EYS: variants seen among roughly 807,000 people sequenced by gnomAD.
EYS encodes EGF-like photoreceptor maintenance factor, also known as protein eyes shut homolog.
EYS carries 250 observed loss-of-function variants against 282.1 expected under a neutral mutation model. The ratio of observed to expected loss-of-function variants is 0.89; its 90% confidence interval spans 0.80 to 0.98. The LOEUF is 0.98. EYS is among the 50% of genes least tolerant of loss of function. The probability of loss-of-function intolerance (pLI) is 0.00; values close to 1 mark genes in which losing one functional copy is unlikely to be tolerated. For synonymous variants in EYS, 1,355 were observed against 1,282.9 expected (o/e 1.06, Z -1.20); for missense variants, 4,016 against 3,709.0 (o/e 1.08, Z -2.15).
intron 31 of EYS, among the ~76,000 whole-genome samples, chr6:64,221,228 C>T (rs1766091639): frequency 6.6e-6 from 1 of 152,102 alleles, no homozygotes; most frequent in African/African-American, 2.4e-5. Flanking sequence ...ACCCCCAAAA[C>T]ATGTGTTGGA....
intron 12 of EYS, among the ~76,000 whole-genome samples, chr6:65,286,066 T>C (rs116461931): frequency 0.036 from 5,540 of 151,908 alleles, 146 homozygotes; most frequent in Non-Finnish European, 0.054. Flanking sequence ...CCTTAAAAAA[T>C]CTAAACACAG....
In EYS at chr6:64,116,281, A is replaced by G. The variant is rs192831055; in HGVS notation, c.6425-34279T>C. 2.7e-3 allele frequency among the ~76,000 whole-genome samples: 407 copies of G among 152,280 alleles called. 1 individual carries two copies. Among genetic ancestry groups the G allele is most frequent in the African/African-American group, 9.1e-3 (378 of 41,564 alleles). On this transcript the variant is annotated intron_variant, in intron 31 of 42. Coordinates refer to ENST00000503581, the MANE Select transcript of EYS (RefSeq NM_001142800.2). ...AGAAAAGGAAAGAACTTTTTAACAT[A>G]TAAGAAAACCCCTATATGGCTATCA...
At chr6:64,094,506 T>G (rs962589361) in intron 31 of EYS, among the ~76,000 whole-genome samples, 4 of 152,318 alleles carry the variant, frequency 2.6e-5, no homozygotes, top group East Asian at 1.9e-4. Context: ...GTCGAGGAAT[T>G]TATCCATTTC....
intron 11 of EYS, chr6:65,331,478 T>TA: frequency 2.3e-6 from 2 of 887,382 alleles, no homozygotes; most frequent in Non-Finnish European, 2.7e-6. Context: ...AACTTAATTT[T>TA]ATATAAAATA....
Position 63,919,453 on chromosome 6 carries a change from T to A in EYS, c.7056-55095A>T, listed in dbSNP as rs189578817. Among the ~76,000 whole-genome samples the A allele has an allele frequency of 4.0e-5, 6 of 150,744 alleles. No individual in the cohort carries two copies. The East Asian group carries it at 7.8e-4, about 20-fold the overall frequency. ...TCCTTCTTCAAACTGGATAAAGGTA[T>A]AATTTCCAGTCCCCTTTGTATCTAA... On this transcript the variant is annotated intron_variant, in intron 35 of 42. Coordinates refer to ENST00000503581, the MANE Select transcript of EYS (RefSeq NM_001142800.2).
chr6:65,035,521 G>A (rs536460631), intron 13 of EYS, among the ~76,000 whole-genome samples: 1 of 152,108 alleles, frequency 6.6e-6, no homozygotes, highest in Admixed American at 6.6e-5. Context: ...AAAATCACTA[G>A]TATTTTTATA....
chr6:63,972,812 A>G (rs960074028), intron 35 of EYS, among the ~76,000 whole-genome samples: 2 of 151,884 alleles, frequency 1.3e-5, no homozygotes, highest in African/African-American at 4.8e-5. Context: ...GTTCTGTGTT[A>G]GTTTAGAGAA....
chr6:65,021,509 T>G (rs1053820553), intron 13 of EYS, among the ~76,000 whole-genome samples: 3 of 152,212 alleles, frequency 2.0e-5, no homozygotes, highest in African/African-American at 7.2e-5. Flanking sequence ...TTCCAAACTT[T>G]CCCACATCTT....
chr6:64,152,147 A>T (rs951067208), intron 31 of EYS, among the ~76,000 whole-genome samples: 2 of 152,206 alleles, frequency 1.3e-5, no homozygotes, highest in Non-Finnish European at 2.9e-5. Context: ...ATAAAAAAAT[A>T]AAAAGTCTGC....
At chr6:65,538,457 G>C (rs9354263) in intron 2 of EYS, among the ~76,000 whole-genome samples, 31,852 of 152,020 alleles carry the variant, frequency 0.21, 3,723 homozygotes, top group East Asian at 0.31. Flanking sequence ...ACCAGATCCT[G>C]TTGTTAAGTG....
chr6:64,880,820 G>T (rs1766892178), intron 19 of EYS, among the ~76,000 whole-genome samples: 1 of 148,574 alleles, frequency 6.7e-6, no homozygotes, highest in African/African-American at 2.5e-5. Context: ...ATGTATAAGA[G>T]ATTTTATATA....
At chr6:65,401,868 G>A (rs929069247) in intron 7 of EYS, among the ~76,000 whole-genome samples, 1 of 151,836 alleles carries the variant, frequency 6.6e-6, no homozygotes, top group African/African-American at 2.4e-5. Context: ...ATAAAAGTCA[G>A]GCAAGTGTGA....
intron 26 of EYS, among the ~76,000 whole-genome samples, chr6:64,547,307 C>T (rs1230413223): frequency 6.6e-6 from 1 of 152,048 alleles, no homozygotes; most frequent in East Asian, 1.9e-4. Flanking sequence ...CTGATTGGTC[C>T]ATTTTACAGA....
intron 33 of EYS, among the ~76,000 whole-genome samples, chr6:64,017,830 CGGGCAATTTACTTAAACCTCT>C (rs1165918586): frequency 6.6e-6 from 1 of 152,124 alleles, no homozygotes; most frequent in Admixed American, 6.6e-5. Context: ...TGTCTATGTT[CGGGCAATTTACTTAAACCTCT>C]GGGCAATTTA....
chr6:64,373,472 CAG>C (rs1395523563), intron 29 of EYS, among the ~76,000 whole-genome samples: 4 of 152,186 alleles, frequency 2.6e-5, no homozygotes, highest in Non-Finnish European at 5.9e-5. Context: ...TCATGTGAAA[CAG>C]AGGATTGTGC....
chr6:64,344,247 A>G (rs1771270958), intron 29 of EYS, among the ~76,000 whole-genome samples: 1 of 152,116 alleles, frequency 6.6e-6, no homozygotes, highest in Admixed American at 6.6e-5. Context: ...TGGCAGAGAC[A>G]CAACCAAAAA....
At position 63,880,483 on chromosome 6, in the gene EYS, GTCTGTATC is replaced by G. The variant is rs773886325; in HGVS notation, c.7056-16133_7056-16126del. On this transcript the variant is annotated intron_variant, in intron 35 of 42. Coordinates refer to ENST00000503581, the MANE Select transcript of EYS (RefSeq NM_001142800.2). ...TGTCTATCTGTCTGTCTGTCTGTCTGTCTGTATCTATCTATCTATCTATCTATCTATCT... is the reference window on the plus strand; with the variant it reads ...TGTCTATCTGTCTGTCTGTCTGTCTGTATCTATCTATCTATCTATCTATCT... 1.3e-3 allele frequency among the ~76,000 whole-genome samples: 156 copies of G among 120,398 alleles called. 1 individual carries two copies. Among genetic ancestry groups the G allele is most frequent in the South Asian group, 2.8e-3 (11 of 3,980 alleles). The allele number at this position is 120,398 out of a possible 152,430, so 79.0% of individuals were successfully genotyped here.
chr6:64,899,394 G>A (rs923054707), intron 18 of EYS, among the ~76,000 whole-genome samples: 2 of 151,894 alleles, frequency 1.3e-5, no homozygotes, highest in Non-Finnish European at 2.9e-5. Context: ...GAAATAAAGG[G>A]TATTCAAATA....
chr6:63,896,250 G>A (rs530810438), intron 35 of EYS, among the ~76,000 whole-genome samples: 73 of 152,114 alleles, frequency 4.8e-4, no homozygotes, highest in South Asian at 1.5e-3. Context: ...CCACTGTATC[G>A]TGTAAGCAGT....
Sources: gnomAD v4.1 joint callset for allele counts (sites outside exome capture counted in the v4.1 genomes callset) on GRCh38, gnomAD v4.1.1 for gene constraint, MANE v1.5 for transcripts, NCBI Gene and HGNC (gene_info 2026-07-23, HGNC 2026-07-21) for gene names.